Variants in SPPL3 observed in about 807,000 individuals in gnomAD.
The protein encoded by SPPL3 is signal peptide peptidase-like 3.
A neutral mutation model predicts 42.4 loss-of-function variants in SPPL3; 5 were observed. That is an observed-to-expected ratio of 0.12 (90% CI 0.06 to 0.25). SPPL3 has a LOEUF of 0.25. SPPL3 is among the 10% of genes least tolerant of loss of function. The probability of loss-of-function intolerance (pLI) is 1.00; values close to 1 mark genes in which losing one functional copy is unlikely to be tolerated. For synonymous variants in SPPL3, 195 were observed against 181.8 expected (o/e 1.07, Z -0.58); for missense variants, 235 against 489.0 (o/e 0.48, Z 4.90).
At chr12:120,848,840 T>C (rs1872129714) in intron 1 of SPPL3, among the ~76,000 whole-genome samples, 1 of 152,168 alleles carries the variant, frequency 6.6e-6, no homozygotes. Context: ...TAAAAATTTG[T>C]GCATAAATTA....
chr12:120,818,071 A>G (rs1162242150), intron 1 of SPPL3, among the ~76,000 whole-genome samples: 1 of 152,200 alleles, frequency 6.6e-6, no homozygotes, highest in African/African-American at 2.4e-5. Context: ...CCTACATTTC[A>G]GACTCTACCA....
At chr12:120,838,999 C>T (rs1871713521) in intron 1 of SPPL3, among the ~76,000 whole-genome samples, 1 of 152,094 alleles carries the variant, frequency 6.6e-6, no homozygotes, top group South Asian at 2.1e-4. Flanking sequence ...CCAGCCATCC[C>T]ATTACTGGGT....
chr12:120,848,217 C>A (rs1872107485), intron 1 of SPPL3, among the ~76,000 whole-genome samples: 1 of 152,180 alleles, frequency 6.6e-6, no homozygotes, highest in African/African-American at 2.4e-5. Flanking sequence ...CAACTAAATA[C>A]AACTATAAGC....
In SPPL3 at chr12:120,781,555, G is replaced by GTGTTTTTTTTTTTTTTTTTTT. The variant is rs1869541007; in HGVS notation, c.502+1099_502+1100insAAAAAAAAAAAAAAAAAAACA. On this transcript the variant is annotated intron_variant, in intron 6 of 10. Transcript: ENST00000353487. ...TCTAATCCCATCTCCTTATTGTTAC[G>GTGTTTTTTTTTTTTTTTTTTT]TTTTTTTTTTTTTTTTTTTTTTTTT... Among the ~76,000 whole-genome samples the GTGTTTTTTTTTTTTTTTTTTT allele has an allele frequency of 4.8e-5, 3 of 62,994 alleles. 1 individual carries two copies. The highest frequency in any genetic ancestry group is 2.1e-4 in the African/African-American group (3 of 14,614). 41.3% of individuals were successfully genotyped at this position (62,994 alleles called of 152,430 possible).
chr12:120,871,721 CCA>C (rs1327234910), intron 1 of SPPL3, among the ~76,000 whole-genome samples: 1 of 151,932 alleles, frequency 6.6e-6, no homozygotes, highest in Non-Finnish European at 1.5e-5. Context: ...CCACTGCACT[CCA>C]GCCTGGGTGA....
intron 1 of SPPL3, among the ~76,000 whole-genome samples, chr12:120,828,916 C>T (rs1243622502): frequency 2.6e-5 from 4 of 152,000 alleles, no homozygotes; most frequent in East Asian, 1.9e-4. Flanking sequence ...CTACCACTTC[C>T]GGCTAAGTTT....
chr12:120,764,540 T>G lies in SPPL3; in HGVS notation c.*459A>C. On this transcript the variant is annotated 3_prime_UTR_variant, in exon 11 of 11. Transcript: ENST00000353487. Reference sequence around the variant, plus strand: ...ACGACAGAAGAGCTTCTGTCTCAGTTCTCTGAAACTGAGTCCCCTATAGGA... The same window carrying G: ...ACGACAGAAGAGCTTCTGTCTCAGTGCTCTGAAACTGAGTCCCCTATAGGA... 4.1e-6 allele frequency: 1 copy of G among 242,900 alleles called. No individual in the cohort carries two copies. The allele number at this position is 242,900 out of a possible 1,614,324, so 15.0% of individuals were successfully genotyped here. A position where few individuals can be genotyped will look rare whatever the true frequency, so the allele number is the denominator to read the frequency against.
chr12:120,870,845 G>A (rs2137049190), intron 1 of SPPL3, among the ~76,000 whole-genome samples: 1 of 152,150 alleles, frequency 6.6e-6, no homozygotes, highest in East Asian at 1.9e-4. Context: ...GAAGGTTGCT[G>A]TTTAATAAGT....
intron 1 of SPPL3, among the ~76,000 whole-genome samples, chr12:120,847,699 A>C (rs1872088867): frequency 6.6e-6 from 1 of 150,926 alleles, no homozygotes; most frequent in African/African-American, 2.4e-5. Context: ...CGAAAGTGCT[A>C]GGATTACAGG....
chr12:120,827,269 A>G (rs911287377), intron 1 of SPPL3, among the ~76,000 whole-genome samples: 4 of 151,224 alleles, frequency 2.6e-5, no homozygotes, highest in African/African-American at 9.7e-5. Context: ...AAGCCAGACA[A>G]AACTTATTTG....
At chr12:120,779,556 A>G (rs1224211976) in intron 6 of SPPL3, among the ~76,000 whole-genome samples, 1 of 152,222 alleles carries the variant, frequency 6.6e-6, no homozygotes. Flanking sequence ...GGAACCACCA[A>G]AAGAAAGGAA....
At chr12:120,833,235 C>T (rs1379405437) in intron 1 of SPPL3, among the ~76,000 whole-genome samples, 2 of 151,966 alleles carry the variant, frequency 1.3e-5, no homozygotes, top group African/African-American at 2.4e-5. Flanking sequence ...GGCATAATGA[C>T]AAAGAAGTGT....
intron 1 of SPPL3, among the ~76,000 whole-genome samples, chr12:120,867,611 G>C (rs1416793131): frequency 6.6e-6 from 1 of 151,782 alleles, no homozygotes; most frequent in Non-Finnish European, 1.5e-5. Context: ...GTTGCAGGGA[G>C]CCAAGATCAC....
intron 1 of SPPL3, among the ~76,000 whole-genome samples, chr12:120,840,495 T>G (rs1871782755): frequency 6.6e-6 from 1 of 152,000 alleles, no homozygotes. Flanking sequence ...TGAATGTTCA[T>G]GTGTATGGGT....
intron 10 of SPPL3, among the ~76,000 whole-genome samples, 167 bp downstream of exon 10, chr12:120,766,096 G>A (rs1384066305): frequency 2.2e-5 from 2 of 90,806 alleles, no homozygotes; most frequent in Non-Finnish European, 4.1e-5. Context: ...GGTAGCGCGC[G>A]CGCGCACACA....
intron 1 of SPPL3, among the ~76,000 whole-genome samples, chr12:120,827,349 TAATAATATA>T (rs942958839): frequency 3.7e-5 from 5 of 135,328 alleles, no homozygotes; most frequent in Admixed American, 7.5e-5. Flanking sequence ...ATAATAATAA[TAATAATATA>T]ATAATATAAT....
Position 120,764,584 on chromosome 12 carries a change from C to T in SPPL3, c.*415G>A, listed in dbSNP as rs535554494. On this transcript the variant is annotated 3_prime_UTR_variant, in exon 11 of 11. Coordinates refer to ENST00000353487, the MANE Select transcript of SPPL3 (RefSeq NM_139015.5). ...TATAGGAAACTGGTCCCAAAGTTCT[C>T]GAGGGGTCATTGAAGAAACTTCGGT... 28 of 302,120 alleles carry T rather than the reference C, an allele frequency of 9.3e-5. No individual in the cohort carries two copies. Among genetic ancestry groups the T allele is most frequent in the East Asian group, 5.3e-4 (10 of 18,834 alleles). 18.7% of individuals were successfully genotyped at this position (302,120 alleles called of 1,614,324 possible).
chr12:120,850,957 C>G (rs1252184213), intron 1 of SPPL3, among the ~76,000 whole-genome samples: 1 of 152,170 alleles, frequency 6.6e-6, no homozygotes, highest in African/African-American at 2.4e-5. Flanking sequence ...CCAGGATAAT[C>G]TCATCTCAAA....
At chr12:120,833,294 A>G (rs1467624656) in intron 1 of SPPL3, among the ~76,000 whole-genome samples, 1 of 152,192 alleles carries the variant, frequency 6.6e-6, no homozygotes, top group Non-Finnish European at 1.5e-5. Flanking sequence ...GGGTACCAGA[A>G]AGGGAACAGA....
Sources: gnomAD v4.1 joint callset for allele counts (sites outside exome capture counted in the v4.1 genomes callset) on GRCh38, gnomAD v4.1.1 for gene constraint, MANE v1.5 for transcripts, NCBI Gene and HGNC (gene_info 2026-07-23, HGNC 2026-07-21) for gene names.